Variants in CAST observed in about 807,000 individuals in gnomAD.
CAST encodes the protein MIR583 host.
Under a neutral mutation model 119.6 loss-of-function variants are expected in CAST, and 76 were observed. The observed-to-expected ratio is 0.64, with a 90% confidence interval of 0.53 to 0.77. The LOEUF is 0.77. CAST is among the 30% of genes least tolerant of loss of function. CAST has a pLI of 0.00. For synonymous variants in CAST, 319 were observed against 331.6 expected (o/e 0.96, Z 0.41); for missense variants, 953 against 946.5 (o/e 1.01, Z -0.09).
At chr5:96,347,613 T>C in the CAST span, among the ~76,000 whole-genome samples, 88 of 152,312 alleles carry the variant, frequency 5.8e-4, no homozygotes, top group African/African-American at 2.0e-3. Context: ...TCTTGGGCTT[T>C]TGAATCTCTT....
At chr5:95,963,124 T>TA in the CAST span, among the ~76,000 whole-genome samples, 1 of 152,192 alleles carries the variant, frequency 6.6e-6, no homozygotes, top group Non-Finnish European at 1.5e-5. Flanking sequence ...AAAGGCAGTT[T>TA]AAAAAAGTTC....
At chr5:96,740,600 T>C in intron 12 of CAST, 145 bp from the exon 13 acceptor site, 1 of 660,022 alleles carries the variant, frequency 1.5e-6, no homozygotes, top group Non-Finnish European at 2.8e-6. Context: ...CAAAATCAGG[T>C]CTCGTTTTGA....
chr5:96,551,678 C>T (rs989821824), intron 1 of CAST, among the ~76,000 whole-genome samples: 2 of 151,792 alleles, frequency 1.3e-5, no homozygotes, highest in East Asian at 1.9e-4. Context: ...AGACCTATCT[C>T]GCATGCAAAG....
the CAST span, among the ~76,000 whole-genome samples, chr5:96,154,301 C>CA: frequency 2.3e-4 from 34 of 147,968 alleles, no homozygotes; most frequent in East Asian, 5.9e-4. Flanking sequence ...AAAAAAAAAA[C>CA]AAAAAAAAAC....
At chr5:96,524,538 G>A (rs780325884), upstream of CAST, among the ~76,000 whole-genome samples, 1 of 152,176 alleles carries the variant, frequency 6.6e-6, no homozygotes, top group South Asian at 2.1e-4. Flanking sequence ...CATCCCATAT[G>A]GGGACGGCCA....
the CAST span, among the ~76,000 whole-genome samples, chr5:96,010,267 G>C: frequency 6.6e-6 from 1 of 151,990 alleles, no homozygotes; most frequent in Non-Finnish European, 1.5e-5. Flanking sequence ...GATTGCTTTG[G>C]CTATTCAAGC....
chr5:96,056,958 G>A, the CAST span, among the ~76,000 whole-genome samples: 13 of 152,114 alleles, frequency 8.5e-5, no homozygotes, highest in African/African-American at 3.1e-4. Context: ...CAGTTATTTA[G>A]CAAAGAATGC....
At chr5:96,113,900 T>C in the CAST span, among the ~76,000 whole-genome samples, 1 of 152,222 alleles carries the variant, frequency 6.6e-6, no homozygotes, top group East Asian at 1.9e-4. Flanking sequence ...TGTTAATTGA[T>C]CCAGATGACT....
intron 1 of CAST, among the ~76,000 whole-genome samples, chr5:96,539,590 C>T (rs1745877797): frequency 6.6e-6 from 1 of 152,020 alleles, no homozygotes; most frequent in Non-Finnish European, 1.5e-5. Flanking sequence ...GTCATGTATC[C>T]ATCATAATAG....
chr5:96,571,144 G>A (rs1200501123), intron 1 of CAST, among the ~76,000 whole-genome samples: 1 of 152,176 alleles, frequency 6.6e-6, no homozygotes, highest in Non-Finnish European at 1.5e-5. Context: ...CATCTGCAAT[G>A]AGTCTGAGCT....
chr5:96,009,708 C>T, the CAST span, among the ~76,000 whole-genome samples: 51 of 151,856 alleles, frequency 3.4e-4, no homozygotes, highest in African/African-American at 9.7e-4. Context: ...TTGTTGGATG[C>T]GTAGTTTGCA....
chr5:96,729,696 C>A lies in CAST; in HGVS notation c.520C>A (p.Gln174Lys). 1.3e-6 allele frequency: 2 copies of A among 1,557,504 alleles called. No homozygotes were observed. ...AGCAGTTTCCAGATCAGCTGAACAG[C>A]AGCCATCAGAGAAATCAACAGAACC... is the stretch of plus-strand genomic sequence containing the variant. ...KKAVSRSAEQ[Q>K]PSEKSTEPKT... The change falls in exon 8 of 32, where the codon CAG (glutamine) becomes AAG (lysine). Residue 174 changes from glutamine to lysine, a missense_variant. By Grantham distance (53) the Gln-to-Lys change is moderately conservative. Coordinates refer to ENST00000675179, the MANE Select transcript of CAST (RefSeq NM_001750.7).
At chr5:96,294,901 G>A in the CAST span, among the ~76,000 whole-genome samples, 943 of 152,270 alleles carry the variant, frequency 6.2e-3, 8 homozygotes, top group Middle Eastern at 0.024. Flanking sequence ...AAAATAGAGG[G>A]AGAGCAAGGC....
chr5:96,249,175 G>A, the CAST span, among the ~76,000 whole-genome samples: 1 of 152,168 alleles, frequency 6.6e-6, no homozygotes, highest in African/African-American at 2.4e-5. Flanking sequence ...AATATTGGTG[G>A]AGAAATATTT....
chr5:96,093,546 A>G, the CAST span, among the ~76,000 whole-genome samples: 3 of 152,356 alleles, frequency 2.0e-5, no homozygotes, highest in East Asian at 5.8e-4. Flanking sequence ...CTGTAAGATT[A>G]TGCAGGACCT....
chr5:96,513,088 T>G, the CAST span, among the ~76,000 whole-genome samples: 4 of 152,350 alleles, frequency 2.6e-5, no homozygotes, highest in Admixed American at 2.0e-4. Context: ...TGATTATCAT[T>G]CATTCTCGGG....
chr5:96,119,025 T>G, the CAST span, among the ~76,000 whole-genome samples: 1 of 152,172 alleles, frequency 6.6e-6, no homozygotes, highest in African/African-American at 2.4e-5. Flanking sequence ...GTTTTTAAAT[T>G]GCTCTAAATG....
intron 1 of CAST, among the ~76,000 whole-genome samples, chr5:96,636,969 A>AG (rs1262573300): frequency 7.2e-6 from 1 of 138,292 alleles, no homozygotes; most frequent in Non-Finnish European, 1.5e-5. Context: ...AGATCCTGGC[A>AG]GGGGGGTCAG....
the CAST span, among the ~76,000 whole-genome samples, chr5:96,080,573 C>T: frequency 2.6e-5 from 4 of 152,190 alleles, no homozygotes; most frequent in African/African-American, 7.2e-5. Flanking sequence ...TTATCTGTTA[C>T]ATGCAGGGAT....
Sources: allele counts gnomAD v4.1 joint callset (sites outside exome capture counted in the v4.1 genomes callset), GRCh38; gene constraint gnomAD v4.1.1; transcripts MANE v1.5; gene names NCBI Gene and HGNC (gene_info 2026-07-23, HGNC 2026-07-21).